METTL25: variants seen among roughly 807,000 people sequenced by gnomAD.
METTL25 encodes probable methyltransferase-like protein 25.
Under a neutral mutation model 71.6 loss-of-function variants are expected in METTL25, and 64 were observed. The observed-to-expected ratio is 0.89, with a 90% CI of 0.73 to 1.10. The LOEUF (loss-of-function observed/expected upper bound fraction) is 1.10. Ranked by LOEUF, METTL25 falls within the 50% of genes least tolerant of loss-of-function variation. The pLI, the probability that METTL25 is intolerant of heterozygous loss-of-function variation, is 0.00. For synonymous variants in METTL25, 287 were observed against 250.3 expected (o/e 1.15, Z -1.38); for missense variants, 807 against 707.0 (o/e 1.14, Z -1.60).
In METTL25 at chr12:82,382,851, G is replaced by GGT. The variant is rs1884576323; in HGVS notation, c.260-3951_260-3950dup. 2.6e-5 allele frequency among the ~76,000 whole-genome samples: 4 copies of GGT among 151,976 alleles called. No homozygotes were observed. The East Asian group carries it at 5.8e-4, about 22-fold the overall frequency. On this transcript the variant is annotated intron_variant, in intron 1 of 11. Coordinates refer to ENST00000248306, the MANE Select transcript of METTL25 (RefSeq NM_032230.3). ...AGCTCCTCAAGTAGCTGGGACTACAGGTATATGCCACTGTACCCAGCTAAT... is the reference window on the plus strand; with the variant it reads ...AGCTCCTCAAGTAGCTGGGACTACAGGTGTATATGCCACTGTACCCAGCTAAT...
intron 9 of METTL25, among the ~76,000 whole-genome samples, chr12:82,473,694 G>A (rs867061137): frequency 2.8e-4 from 42 of 152,180 alleles, no homozygotes; most frequent in African/African-American, 9.9e-4. Flanking sequence ...GAGCATGTCA[G>A]TTGTTTGGAG....
At chr12:82,454,047 T>C (rs533478855) in intron 8 of METTL25, among the ~76,000 whole-genome samples, 1 of 152,224 alleles carries the variant, frequency 6.6e-6, no homozygotes, top group South Asian at 2.1e-4. Flanking sequence ...TTATATAGAT[T>C]TTACAGTAAA....
At chr12:82,411,839 A>T (rs191742747) in intron 5 of METTL25, among the ~76,000 whole-genome samples, 83 of 152,224 alleles carry the variant, frequency 5.5e-4, no homozygotes, top group Non-Finnish European at 1.0e-3. Context: ...TTGTGATTAT[A>T]AATTACAATT....
At chr12:82,389,396 C>T (rs868304422) in intron 2 of METTL25, among the ~76,000 whole-genome samples, 4 of 151,896 alleles carry the variant, frequency 2.6e-5, no homozygotes, top group Admixed American at 2.6e-4. Context: ...GTTTTTTTCC[C>T]CACTTTTCTA....
chr12:82,386,373 C>T lies in METTL25; in HGVS notation c.260-430C>T, dbSNP rs889191416. 1.1e-4 allele frequency among the ~76,000 whole-genome samples: 17 copies of T among 152,054 alleles called. No homozygotes were observed. In the East Asian group the frequency reaches 2.3e-3, roughly 21 times the overall value. The stretch of plus-strand genomic sequence containing the variant: ...CAGTTATAGGCCAGCCAGGACAGTT[C>T]GTAAATTTAATAAATACATCACTAT... On this transcript the variant is annotated intron_variant, in intron 1 of 11. Coordinates refer to ENST00000248306, the MANE Select transcript of METTL25 (RefSeq NM_032230.3).
intron 1 of METTL25, 97 bp downstream of exon 1, chr12:82,358,921 G>T (rs916272483): frequency 6.8e-7 from 1 of 1,462,022 alleles, no homozygotes; most frequent in African/African-American, 1.4e-5. Context: ...AACCAGGTGC[G>T]TGGCGGCGGA....
intron 5 of METTL25, among the ~76,000 whole-genome samples, chr12:82,407,166 G>C (rs1887167444): frequency 6.6e-6 from 1 of 152,000 alleles, no homozygotes; most frequent in Non-Finnish European, 1.5e-5. Flanking sequence ...TTTAGTACTT[G>C]GTCATTCATA....
intron 5 of METTL25, among the ~76,000 whole-genome samples, chr12:82,424,198 C>A (rs1164394772): frequency 3.4e-4 from 52 of 152,102 alleles, no homozygotes; most frequent in Non-Finnish European, 6.5e-4. Flanking sequence ...ATGGAATACT[C>A]TGCAGCCATA....
chr12:82,456,866 T>C, intron 9 of METTL25, 46 bp downstream of exon 9: 1 of 940,050 alleles, frequency 1.1e-6, no homozygotes, highest in Non-Finnish European at 1.5e-6. Context: ...CAGAAGAACT[T>C]CTATTTTGTA....
intron 8 of METTL25, among the ~76,000 whole-genome samples, chr12:82,442,410 T>C (rs1297318739): frequency 6.6e-6 from 1 of 152,120 alleles, no homozygotes; most frequent in Non-Finnish European, 1.5e-5. Context: ...ACAAAAAGTA[T>C]TGTGGATACA....
intron 5 of METTL25, among the ~76,000 whole-genome samples, chr12:82,406,471 A>G (rs924744444): frequency 2.6e-5 from 4 of 152,208 alleles, no homozygotes; most frequent in Admixed American, 2.0e-4. Context: ...TATATTTTTT[A>G]TAGTCTTTCT....
chr12:82,460,931 T>C (rs140832976), intron 9 of METTL25, among the ~76,000 whole-genome samples: 1,843 of 152,182 alleles, frequency 0.012, 19 homozygotes, highest in African/African-American at 0.031. Context: ...ATCACAAGGT[T>C]AGGAGATGGA....
intron 2 of METTL25, among the ~76,000 whole-genome samples, chr12:82,389,173 T>A (rs1885342884): frequency 6.6e-6 from 1 of 152,256 alleles, no homozygotes; most frequent in South Asian, 2.1e-4. Flanking sequence ...ACTCGTATAG[T>A]ACTGTAGTTC....
At position 82,431,076 on chromosome 12, in the gene METTL25, A is replaced by G. The variant is rs1027762347; in HGVS notation, c.1374+89A>G. ...GGCTAGTATCATGCATTCAATGCCAAATTTTGCAGAACATCCCATTAATGC... is the reference window on the plus strand; with the variant it reads ...GGCTAGTATCATGCATTCAATGCCAGATTTTGCAGAACATCCCATTAATGC... On this transcript the variant is annotated intron_variant, in intron 6 of 11. Transcript: ENST00000248306. 7 of 713,108 alleles carry G rather than the reference A, an allele frequency of 9.8e-6. No homozygotes were observed. The Admixed American group carries it at 1.3e-4, about 13-fold the overall frequency. 44.2% of individuals were successfully genotyped at this position (713,108 alleles called of 1,614,324 possible).
intron 5 of METTL25, among the ~76,000 whole-genome samples, chr12:82,428,961 A>C (rs1204466774): frequency 6.6e-6 from 1 of 151,858 alleles, no homozygotes; most frequent in Non-Finnish European, 1.5e-5. Context: ...TGATATTTTG[A>C]TAAATGCACA....
chr12:82,453,643 T>C (rs1055103825), intron 8 of METTL25, among the ~76,000 whole-genome samples: 1 of 152,144 alleles, frequency 6.6e-6, no homozygotes, highest in Non-Finnish European at 1.5e-5. Context: ...ACTTTGCACT[T>C]TCTGTTACAT....
chr12:82,364,162 G>C (rs1352171329), intron 1 of METTL25, among the ~76,000 whole-genome samples: 2 of 152,178 alleles, frequency 1.3e-5, no homozygotes, highest in Non-Finnish European at 2.9e-5. Flanking sequence ...GGGTGGATCT[G>C]GTTTGGGATC....
chr12:82,393,654 A>G (rs1412381340), intron 3 of METTL25, among the ~76,000 whole-genome samples: 2 of 151,946 alleles, frequency 1.3e-5, no homozygotes, highest in Non-Finnish European at 2.9e-5. Flanking sequence ...CTCCAATACT[A>G]TGTTGAATAA....
rs186330379 is a variant in METTL25 at position 82,460,445 on chromosome 12, A to C, written c.1572+3625A>C. Among the ~76,000 whole-genome samples, 52 of 152,324 alleles carry C rather than the reference A, an allele frequency of 3.4e-4. No homozygotes were observed. The East Asian group carries it at 3.7e-3, about 11-fold the overall frequency. On this transcript the variant is annotated intron_variant, in intron 9 of 11. Coordinates refer to ENST00000248306, the MANE Select transcript of METTL25 (RefSeq NM_032230.3). The stretch of plus-strand genomic sequence containing the variant: ...AAAAAGAGGAACTTTCCAGTGAAGA[A>C]CCTGACAAACAGAATCTCAGCCAAG...
Sources: gnomAD v4.1 joint callset for allele counts (sites outside exome capture counted in the v4.1 genomes callset) on GRCh38, gnomAD v4.1.1 for gene constraint, MANE v1.5 for transcripts, NCBI Gene and HGNC (gene_info 2026-07-23, HGNC 2026-07-21) for gene names.